The following XNDC1N variants were observed in gnomAD, a reference collection of about 807,000 sequenced individuals.
XNDC1N encodes protein XNDC1N.
At chr11:71,906,981 G>A in the XNDC1N span, among the ~76,000 whole-genome samples, 4 of 152,046 alleles carry the variant, frequency 2.6e-5, no homozygotes, top group South Asian at 2.1e-4. Context: ...AGGATATTCC[G>A]AATCATACCA....
the XNDC1N span, among the ~76,000 whole-genome samples, chr11:71,896,426 G>A: frequency 2.6e-5 from 4 of 152,250 alleles, no homozygotes; most frequent in Non-Finnish European, 4.4e-5. Flanking sequence ...GAGTTCTAGT[G>A]TTTGATAGTA....
At chr11:71,873,242 T>C in the XNDC1N span, among the ~76,000 whole-genome samples, 3 of 152,186 alleles carry the variant, frequency 2.0e-5, no homozygotes, top group Admixed American at 1.3e-4. Flanking sequence ...CTAGTAAATG[T>C]CTTGAAAACC....
the XNDC1N span, among the ~76,000 whole-genome samples, chr11:71,877,357 G>A: frequency 2.0e-5 from 3 of 152,214 alleles, no homozygotes; most frequent in Non-Finnish European, 4.4e-5. Context: ...TGATATTCTG[G>A]CCAGACGTGG....
At chr11:71,901,828 G>A in the XNDC1N span, among the ~76,000 whole-genome samples, 8 of 152,046 alleles carry the variant, frequency 5.3e-5, no homozygotes, top group Admixed American at 5.2e-4. Context: ...TAAGCTGATC[G>A]TGGGTGCCCG....
the XNDC1N span, among the ~76,000 whole-genome samples, chr11:71,895,381 C>A: frequency 4.7e-3 from 690 of 146,882 alleles, 6 homozygotes; most frequent in African/African-American, 0.017. Flanking sequence ...ACGGTCTCGG[C>A]TCACTGCAAC....
chr11:71,889,364 G>A, the XNDC1N span, among the ~76,000 whole-genome samples: 2 of 152,244 alleles, frequency 1.3e-5, no homozygotes, highest in South Asian at 4.1e-4. Flanking sequence ...GGCTGGGTTT[G>A]CGGAATTCCC....
chr11:71,887,907 G>C, the XNDC1N span, among the ~76,000 whole-genome samples: 1 of 152,010 alleles, frequency 6.6e-6, no homozygotes, highest in South Asian at 2.1e-4. Flanking sequence ...GCCCCTGAGA[G>C]GCAGAAGCTG....
At chr11:71,888,783 C>T in the XNDC1N span, among the ~76,000 whole-genome samples, 8 of 152,222 alleles carry the variant, frequency 5.3e-5, no homozygotes, top group South Asian at 2.1e-4. Flanking sequence ...CATTGGCTAA[C>T]GAATGCCACA....
At chr11:71,894,143 T>C in the XNDC1N span, 3 of 545,362 alleles carry the variant, frequency 5.5e-6, no homozygotes, top group South Asian at 2.0e-5. Flanking sequence ...GTCCCCTCCA[T>C]TCTTAGGATT....
chr11:71,889,180 T>C, the XNDC1N span, among the ~76,000 whole-genome samples: 2 of 152,334 alleles, frequency 1.3e-5, no homozygotes, highest in South Asian at 4.1e-4. Context: ...TGATTCTAGG[T>C]ATGTCTTTTC....
At chr11:71,909,360 G>C in the XNDC1N span, among the ~76,000 whole-genome samples, 1 of 152,022 alleles carries the variant, frequency 6.6e-6, no homozygotes, top group South Asian at 2.1e-4. Context: ...GAGGCCCTGG[G>C]AAAGAAACTC....
the XNDC1N span, among the ~76,000 whole-genome samples, chr11:71,925,753 G>C: frequency 2.6e-5 from 4 of 151,446 alleles, no homozygotes; most frequent in African/African-American, 9.7e-5. Flanking sequence ...GGTGGCGGGG[G>C]CCTGTAGTCC....
the XNDC1N span, among the ~76,000 whole-genome samples, chr11:71,878,184 G>A: frequency 6.6e-6 from 1 of 152,162 alleles, no homozygotes; most frequent in Non-Finnish European, 1.5e-5. Flanking sequence ...GATATTTCAA[G>A]TCTCTCTCCT....
At chr11:71,918,989 T>C in the XNDC1N span, 1 of 703,016 alleles carries the variant, frequency 1.4e-6, no homozygotes, top group South Asian at 1.5e-5. Flanking sequence ...CCTTGGACTA[T>C]CTGGGTTTAG....
chr11:71,879,015 A>T, the XNDC1N span, among the ~76,000 whole-genome samples: 1 of 152,164 alleles, frequency 6.6e-6, no homozygotes, highest in Non-Finnish European at 1.5e-5. Flanking sequence ...ATAATCATAA[A>T]AAAAAATAAA....
At chr11:71,877,693 C>T in the XNDC1N span, among the ~76,000 whole-genome samples, 10 of 152,162 alleles carry the variant, frequency 6.6e-5, no homozygotes, top group Non-Finnish European at 1.3e-4. Flanking sequence ...TAAGCATTCC[C>T]TACGGCACCC....
chr11:71,922,111 G>C, the XNDC1N span, among the ~76,000 whole-genome samples: 1 of 151,446 alleles, frequency 6.6e-6, no homozygotes, highest in African/African-American at 2.4e-5. Context: ...GGTGAGCCGA[G>C]ATCACACCAC....
the XNDC1N span, among the ~76,000 whole-genome samples, chr11:71,886,766 T>C: frequency 6.6e-6 from 1 of 152,054 alleles, no homozygotes; most frequent in South Asian, 2.1e-4. Flanking sequence ...GCCAGGTGTT[T>C]GTAAACAGGG....
the XNDC1N span, among the ~76,000 whole-genome samples, chr11:71,910,614 G>T: frequency 6.6e-6 from 1 of 152,168 alleles, no homozygotes; most frequent in African/African-American, 2.4e-5. Flanking sequence ...CCGGCACCTG[G>T]AGGACTGTGG....
Sources: allele counts gnomAD v4.1 joint callset (sites outside exome capture counted in the v4.1 genomes callset), GRCh38; gene constraint gnomAD v4.1.1; transcripts MANE v1.5; gene names NCBI Gene and HGNC (gene_info 2026-07-23, HGNC 2026-07-21).